ZNF317: variants seen among roughly 807,000 people sequenced by gnomAD.
The protein encoded by ZNF317 is KRAB-containing zinc finger protein 317.
In ZNF317, 17 loss-of-function variants were observed where a neutral mutation model predicts 23.4. That is an observed-to-expected ratio of 0.73 (90% CI 0.50 to 1.09). The LOEUF (loss-of-function observed/expected upper bound fraction) is 1.09. Among genes scored for constraint, ZNF317 ranks in the 50% least tolerant of loss-of-function variants. ZNF317 has a pLI of 0.00. For synonymous variants in ZNF317, 317 were observed against 314.9 expected (o/e 1.01, Z -0.07); for missense variants, 679 against 796.7 (o/e 0.85, Z 1.78).
At chr19:9,155,688 T>C (rs1427839960) in intron 1 of ZNF317, among the ~76,000 whole-genome samples, 1 of 152,176 alleles carries the variant, frequency 6.6e-6, no homozygotes, top group Non-Finnish European at 1.5e-5. Flanking sequence ...TTGTACTTGG[T>C]GGAAAATCAC....
chr19:9,149,148 A>G (rs919190318), intron 1 of ZNF317, among the ~76,000 whole-genome samples: 1 of 152,192 alleles, frequency 6.6e-6, no homozygotes, highest in African/African-American at 2.4e-5. Flanking sequence ...CTTACACAGA[A>G]CATTACTTGG....
At chr19:9,155,244 C>T (rs2050771970) in intron 1 of ZNF317, among the ~76,000 whole-genome samples, 1 of 152,016 alleles carries the variant, frequency 6.6e-6, no homozygotes, top group Non-Finnish European at 1.5e-5. Context: ...ATTGCCCAGG[C>T]TGGAGTGCAT....
chr19:9,161,298 C>T lies in ZNF317; in HGVS notation c.1653C>T (p.Ile551=). ...CCAACCTGAATGTGCACAGGCGGAT[C>T]CACACCGGGGAGAAGCCCTACGAAT... ...IGSNLNVHRR[I]HTGEKPYECL... is the part of the protein sequence containing the mutation. The change falls in exon 7 of 7, where the codon ATC becomes ATT. Residue 551 remains isoleucine, a synonymous_variant. Coordinates refer to ENST00000247956, the MANE Select transcript of ZNF317 (RefSeq NM_020933.5). This position sits in a 1 kb window ranked among gnomAD's most constrained non-coding sequence, Gnocchi z 4.0. The T allele has an allele frequency of 6.2e-7, 1 of 1,612,878 alleles. No homozygotes were observed. Among genetic ancestry groups the T allele is most frequent in the Non-Finnish European group, 8.5e-7 (1 of 1,179,546 alleles).
chr19:9,158,099 C>T (rs759446209), intron 5 of ZNF317, 24 bp downstream of exon 5: 19 of 1,544,806 alleles, frequency 1.2e-5, no homozygotes, highest in African/African-American at 8.2e-5. Flanking sequence ...AGGCAAAGAG[C>T]GGTGCTGTGA....
intron 1 of ZNF317, among the ~76,000 whole-genome samples, chr19:9,144,101 C>T (rs917861213): frequency 2.0e-5 from 3 of 151,994 alleles, no homozygotes; most frequent in Admixed American, 1.3e-4. Flanking sequence ...CTCCTGGAAT[C>T]AAGTGATTCT....
chr19:9,141,003 C>T (rs916675272), intron 1 of ZNF317, among the ~76,000 whole-genome samples: 11 of 152,140 alleles, frequency 7.2e-5, no homozygotes, highest in African/African-American at 2.7e-4. Flanking sequence ...CTTATTAGCA[C>T]TTACCTTGAG....
In ZNF317 at chr19:9,160,182, T is replaced by G; in HGVS notation, c.537T>G (p.Pro179=). Reference sequence around the variant, plus strand: ...TGTTCGAAGTCTTTGGCATGGACCCTCATCTCACTCAGCCAATGGGAAGGC... The same window carrying G: ...TGTTCGAAGTCTTTGGCATGGACCCGCATCTCACTCAGCCAATGGGAAGGC... ...AHLFEVFGMD[P]HLTQPMGRHA... is the part of the protein sequence containing the mutation. The change falls in exon 7 of 7, where the codon CCT becomes CCG. Residue 179 remains proline, a synonymous_variant. Coordinates refer to ENST00000247956, the MANE Select transcript of ZNF317 (RefSeq NM_020933.5). The surrounding 1 kb of genome is among the most constrained non-coding windows in gnomAD (Gnocchi z 6.8). The G allele has an allele frequency of 6.2e-7, 1 of 1,614,140 alleles. No individual in the cohort carries two copies.
In ZNF317 at chr19:9,162,750, C is replaced by T. The variant is rs2050873640; in HGVS notation, c.*1317C>T. 1 of 152,174 alleles carries T rather than the reference C, an allele frequency of 6.6e-6. No homozygotes were observed. Among genetic ancestry groups the T allele is most frequent in the South Asian group, 2.1e-4 (1 of 4,830 alleles). The allele number at this position is 152,174 out of a possible 1,614,324, so 9.4% of individuals were successfully genotyped here. A position where few individuals can be genotyped will look rare whatever the true frequency, so the allele number is the denominator to read the frequency against. On this transcript the variant is annotated 3_prime_UTR_variant, in exon 7 of 7. Coordinates refer to ENST00000247956, the MANE Select transcript of ZNF317 (RefSeq NM_020933.5). ...ATAGTATTTTTACTATAGCTTCATC[C>T]TTGATAACGTCCTAATTTCCTTCTG...
rs1211998404 is a variant in ZNF317, at chr19:9,160,038, T to C, written c.469-76T>C. 5.1e-6 allele frequency: 8 copies of C among 1,581,266 alleles called. No homozygotes were observed. The highest frequency in any genetic ancestry group is 6.9e-6 in the Non-Finnish European group (8 of 1,160,344). ...ATGTGCTTCTATCTGTTCATAGCAGTGTATGTGGGGATGACGCTTAGGGTT... is the reference window on the plus strand; with the variant it reads ...ATGTGCTTCTATCTGTTCATAGCAGCGTATGTGGGGATGACGCTTAGGGTT... On this transcript the variant is annotated intron_variant, in intron 6 of 6. Coordinates refer to ENST00000247956, the MANE Select transcript of ZNF317 (RefSeq NM_020933.5). The surrounding 1 kb of genome is among the most constrained non-coding windows in gnomAD (Gnocchi z 6.8).
intron 1 of ZNF317, among the ~76,000 whole-genome samples, chr19:9,148,609 T>C (rs1339848106): frequency 6.6e-6 from 1 of 152,154 alleles, no homozygotes; most frequent in African/African-American, 2.4e-5. Context: ...GTAGATCAGC[T>C]TGCTCATCAT....
chr19:9,153,159 T>G (rs1568312890), intron 1 of ZNF317, among the ~76,000 whole-genome samples: 1 of 141,016 alleles, frequency 7.1e-6, no homozygotes. Flanking sequence ...TTTGTTTGTT[T>G]GTTTGTTTGT....
chr19:9,160,622 G>T lies in ZNF317; in HGVS notation c.977G>T (p.Arg326Ile). 1.2e-6 allele frequency: 2 copies of T among 1,614,022 alleles called. No homozygotes were observed. The highest frequency in any genetic ancestry group is 1.7e-6 in the Non-Finnish European group (2 of 1,180,010). Residue 326 changes from arginine to isoleucine, a missense_variant, in exon 7 of 7, where the codon AGA becomes ATA. Physicochemically the swap from Arg to Ile is moderately conservative, Grantham distance 97. Coordinates refer to ENST00000247956, the MANE Select transcript of ZNF317 (RefSeq NM_020933.5). This position sits in a 1 kb window ranked among gnomAD's most constrained non-coding sequence, Gnocchi z 6.8. ...GRSCHLIAHK[R>I]THTGERPYEC... ...AGCTGCCACCTCATCGCACACAAGA[G>T]AACGCACACCGGAGAGAGGCCCTAC...
In ZNF317 at chr19:9,160,881, C is replaced by T. The variant is rs750075061; in HGVS notation, c.1236C>T (p.His412=). The change falls in exon 7 of 7, where the codon CAC becomes CAT. Residue 412 remains histidine, a synonymous_variant. Transcript: ENST00000247956. The surrounding 1 kb of genome is among the most constrained non-coding windows in gnomAD (Gnocchi z 6.8). The part of the protein sequence containing the change: ...LVSRRKHMRI[H]IVKKPVECRQ... ...CCCGGAGGAAACACATGAGGATTCACATCGTCAAGAAACCCGTGGAATGTC... is the reference window on the plus strand; with the variant it reads ...CCCGGAGGAAACACATGAGGATTCATATCGTCAAGAAACCCGTGGAATGTC... 14 of 1,614,098 alleles carry T rather than the reference C, an allele frequency of 8.7e-6. No individual in the cohort carries two copies. The highest frequency in any genetic ancestry group is 1.1e-5 in the Non-Finnish European group (13 of 1,180,034).
At position 9,162,960 on chromosome 19, in the gene ZNF317, G is replaced by A. The variant is rs929564043; in HGVS notation, c.*1527G>A. 9 of 152,084 alleles carry A rather than the reference G, an allele frequency of 5.9e-5. No homozygotes were observed. Among genetic ancestry groups the A allele is most frequent in the African/African-American group, 1.9e-4 (8 of 41,388 alleles). The allele number at this position is 152,084 out of a possible 1,614,324, so 9.4% of individuals were successfully genotyped here. On this transcript the variant is annotated 3_prime_UTR_variant, in exon 7 of 7. Coordinates refer to ENST00000247956, the MANE Select transcript of ZNF317 (RefSeq NM_020933.5). ...GACAGATACTTCTAGTGACTTCCCC[G>A]GTATCCACTCTCATCTTCTTCCAAT...
chr19:9,152,096 T>C (rs1251313442), intron 1 of ZNF317, among the ~76,000 whole-genome samples: 1 of 152,010 alleles, frequency 6.6e-6, no homozygotes, highest in Non-Finnish European at 1.5e-5. Context: ...TTAGTAGAGA[T>C]GGGGTTTTAC....
intron 1 of ZNF317, among the ~76,000 whole-genome samples, chr19:9,152,290 C>T (rs964247271): frequency 1.3e-5 from 2 of 152,076 alleles, no homozygotes; most frequent in African/African-American, 4.8e-5. Context: ...TCTTCTAGAG[C>T]CTGTTTGGGT....
chr19:9,156,753 A>T lies in ZNF317; in HGVS notation c.162+5A>T, dbSNP rs146596406. The T allele has an allele frequency of 2.0e-5, 32 of 1,613,200 alleles. No individual in the cohort carries two copies. In the East Asian group the frequency reaches 6.2e-4, roughly 31 times the overall value. ...ACACCCAGTGTTGGTTCCCAGGTGC[A>T]CTAAGATCTCTGGGTCCCTAGAGCA... On this transcript the variant is annotated splice_donor_5th_base_variant and intron_variant, in intron 3 of 6. Coordinates refer to ENST00000247956, the MANE Select transcript of ZNF317 (RefSeq NM_020933.5).
At chr19:9,156,445 A>C (rs957659350) in intron 2 of ZNF317, among the ~76,000 whole-genome samples, 167 bp from the exon 3 acceptor site, 4 of 152,080 alleles carry the variant, frequency 2.6e-5, no homozygotes, top group African/African-American at 9.7e-5. Flanking sequence ...GGCTGCTCTG[A>C]CTTGTTATGA....
At chr19:9,144,563 T>C (rs2050666784) in intron 1 of ZNF317, among the ~76,000 whole-genome samples, 1 of 146,870 alleles carries the variant, frequency 6.8e-6, no homozygotes, top group South Asian at 2.1e-4. Flanking sequence ...TTCTTACCCA[T>C]GCTCATTCAC....
Sources: allele counts gnomAD v4.1 joint callset (sites outside exome capture counted in the v4.1 genomes callset), GRCh38; gene constraint gnomAD v4.1.1; non-coding constraint Gnocchi (gnomAD v3.1); transcripts MANE v1.5; gene names NCBI Gene and HGNC (gene_info 2026-07-23, HGNC 2026-07-21).